The following GABRB2 variants were observed in gnomAD, a reference collection of about 807,000 sequenced individuals.
The protein encoded by GABRB2 is gamma-aminobutyric acid type A receptor subunit beta2.
In GABRB2, 16 loss-of-function variants were observed where a neutral mutation model predicts 54.7. That is an observed-to-expected ratio of 0.29 (90% confidence interval 0.20 to 0.44). The LOEUF (loss-of-function observed/expected upper bound fraction) is 0.44, where lower values mean the gene tolerates loss of function less well. GABRB2 is among the 20% of genes least tolerant of loss of function. The pLI is 1.00. For missense variants in GABRB2, 355 were observed against 644.0 expected (o/e 0.55, Z 4.86); for synonymous variants, 244 against 233.8 (o/e 1.04, Z -0.40).
chr5:161,495,647 T>G (rs1318652263), intron 3 of GABRB2, among the ~76,000 whole-genome samples: 1 of 152,062 alleles, frequency 6.6e-6, no homozygotes, highest in Non-Finnish European at 1.5e-5. Context: ...ATTAAAATTG[T>G]GGCCATAAAT....
intron 5 of GABRB2, among the ~76,000 whole-genome samples, chr5:161,410,573 A>G (rs1350828759): frequency 2.0e-5 from 3 of 152,192 alleles, no homozygotes; most frequent in Non-Finnish European, 4.4e-5. Flanking sequence ...TTTTGCAATT[A>G]CAAAGATAGA....
intron 5 of GABRB2, among the ~76,000 whole-genome samples, chr5:161,345,687 ACTC>A (rs1433359069): frequency 6.6e-6 from 1 of 151,840 alleles, no homozygotes; most frequent in African/African-American, 2.4e-5. Flanking sequence ...TTCTCTCTTT[ACTC>A]CTCTAATATT....
rs1259547866 is a variant in GABRB2, at chr5:161,289,184, A to G, written c.*4897T>C. On this transcript the variant is annotated 3_prime_UTR_variant, in exon 10 of 10. Transcript: ENST00000393959. ...CAGAATTTTGAATATATCTACAGAA[A>G]TATTTTACTTCAATTTCCAAAAACC... is the stretch of plus-strand genomic sequence containing the variant. 6.7e-6 allele frequency: 1 copy of G among 149,602 alleles called. No individual in the cohort carries two copies. Among genetic ancestry groups the G allele is most frequent in the Admixed American group, 6.7e-5 (1 of 14,996 alleles). The allele number at this position is 149,602 out of a possible 1,614,324, so 9.3% of individuals were successfully genotyped here.
intron 5 of GABRB2, among the ~76,000 whole-genome samples, chr5:161,375,650 T>C (rs1329307428): frequency 6.6e-6 from 1 of 152,220 alleles, no homozygotes; most frequent in Admixed American, 6.5e-5. Flanking sequence ...ACCAGCACTA[T>C]CTTTCTAGCT....
At chr5:161,505,124 T>TG (rs1759566962) in intron 3 of GABRB2, among the ~76,000 whole-genome samples, 2 of 150,198 alleles carry the variant, frequency 1.3e-5, no homozygotes, top group South Asian at 2.1e-4. Context: ...TTTTTTTTTT[T>TG]GTTTGTTTGT....
intron 3 of GABRB2, among the ~76,000 whole-genome samples, chr5:161,520,130 A>G (rs1041256334): frequency 6.6e-6 from 1 of 152,108 alleles, no homozygotes; most frequent in African/African-American, 2.4e-5. Context: ...AAAAGTTCAG[A>G]GCAACCTTAA....
chr5:161,359,466 C>CACACAG (rs1561621430), intron 5 of GABRB2, among the ~76,000 whole-genome samples: 1 of 151,538 alleles, frequency 6.6e-6, no homozygotes, highest in Non-Finnish European at 1.5e-5. Context: ...CACACACACA[C>CACACAG]AGAGATTGCT....
chr5:161,377,106 TA>T (rs1263206665), intron 5 of GABRB2, among the ~76,000 whole-genome samples: 1 of 152,112 alleles, frequency 6.6e-6, no homozygotes, highest in Non-Finnish European at 1.5e-5. Context: ...ATAAAGCATT[TA>T]AAAAATTTAA....
chr5:161,454,032 CAA>C (rs202218457), intron 4 of GABRB2, among the ~76,000 whole-genome samples: 2,840 of 96,668 alleles, frequency 0.029, 36 homozygotes, highest in Middle Eastern at 0.11. Flanking sequence ...AGTGAGATTC[CAA>C]AAAAAAAAAA....
rs113113991 is a variant in GABRB2 at position 161,454,024 on chromosome 5, T to A, written c.458+5600A>T. Among the ~76,000 whole-genome samples, 515 of 138,696 alleles carry A rather than the reference T, an allele frequency of 3.7e-3. 4 individuals are homozygous for A. Among genetic ancestry groups the A allele is most frequent in the African/African-American group, 0.013 (477 of 36,410 alleles). The allele number at this position is 138,696 out of a possible 152,430, so 91.0% of individuals were successfully genotyped here. On this transcript the variant is annotated intron_variant, in intron 4 of 9. Transcript: ENST00000393959. The stretch of plus-strand genomic sequence containing the variant: ...CTGCACTCCAGCCTTGGAGACAGAG[T>A]GAGATTCCAAAAAAAAAAAAAAAAG...
chr5:161,547,837 C>G (rs920466376), upstream of GABRB2: 4 of 152,212 alleles, frequency 2.6e-5, no homozygotes, highest in Non-Finnish European at 5.9e-5. Flanking sequence ...TGCGCGCACC[C>G]GCGCGCACAC....
chr5:161,536,800 G>A (rs1052286592), intron 3 of GABRB2, among the ~76,000 whole-genome samples: 3 of 152,050 alleles, frequency 2.0e-5, no homozygotes, highest in Admixed American at 6.6e-5. Flanking sequence ...GTTTTGTAAT[G>A]TTTGCCAGGC....
At chr5:161,418,146 C>A (rs1433037356) in intron 4 of GABRB2, among the ~76,000 whole-genome samples, 1 of 152,110 alleles carries the variant, frequency 6.6e-6, no homozygotes, top group African/African-American at 2.4e-5. Flanking sequence ...GAAGACATTC[C>A]CTTAAATAGC....
At chr5:161,510,076 C>T (rs994416473) in intron 3 of GABRB2, among the ~76,000 whole-genome samples, 1 of 151,818 alleles carries the variant, frequency 6.6e-6, no homozygotes, top group African/African-American at 2.4e-5. Context: ...ATAATCAAAT[C>T]ATGGAGACTG....
intron 5 of GABRB2, among the ~76,000 whole-genome samples, chr5:161,375,219 G>A (rs17520465): frequency 0.019 from 2,923 of 152,282 alleles, 39 homozygotes; most frequent in Middle Eastern, 0.082. Flanking sequence ...GCACCAAGGG[G>A]AAAGAGAGCA....
intron 4 of GABRB2, among the ~76,000 whole-genome samples, chr5:161,435,197 T>G (rs544559351): frequency 6.6e-6 from 1 of 151,936 alleles, no homozygotes; most frequent in African/African-American, 2.4e-5. Flanking sequence ...AAATGGAAAA[T>G]CAACAAGAAG....
In GABRB2 at chr5:161,396,101, A is replaced by T. The variant is rs142993196; in HGVS notation, c.541+14874T>A. 5.5e-4 allele frequency among the ~76,000 whole-genome samples: 83 copies of T among 152,278 alleles called. 3 individuals are homozygous for T. In the East Asian group the frequency reaches 0.015, roughly 28 times the overall value. On this transcript the variant is annotated intron_variant, in intron 5 of 9. Transcript: ENST00000393959. ...TTCTATGTGGCATATTGTGCTTCAG[A>T]AATTGTTCCGATACTTTGGGCTCTT...
intron 9 of GABRB2, among the ~76,000 whole-genome samples, chr5:161,306,884 C>T (rs1337059479): frequency 6.6e-6 from 1 of 151,992 alleles, no homozygotes. Flanking sequence ...TGCTGGTAAG[C>T]CTGTGCGCAC....
chr5:161,336,814 CAAA>C, intron 5 of GABRB2, 45 bp from the exon 6 acceptor site: 41 of 1,105,070 alleles, frequency 3.7e-5, no homozygotes, highest in South Asian at 1.2e-4. Flanking sequence ...ATACAGAAAA[CAAA>C]AAAAAAAAAA....
Sources: gnomAD v4.1 joint callset for allele counts (sites outside exome capture counted in the v4.1 genomes callset) on GRCh38, gnomAD v4.1.1 for gene constraint, MANE v1.5 for transcripts, NCBI Gene and HGNC (gene_info 2026-07-23, HGNC 2026-07-21) for gene names.